Variants in PCDH15 observed in about 807,000 individuals in gnomAD.
The protein encoded by PCDH15 is protocadherin related 15.
A neutral mutation model predicts 178.5 loss-of-function variants in PCDH15; 129 were observed. The observed-to-expected ratio is 0.72, with a 90% CI of 0.63 to 0.84. The LOEUF (loss-of-function observed/expected upper bound fraction) is 0.84, where lower values mean the gene tolerates loss of function less well. Ranked by LOEUF, PCDH15 falls within the 40% of genes least tolerant of loss-of-function variation. The probability of loss-of-function intolerance (pLI) is 0.00; values close to 1 mark genes in which losing one functional copy is unlikely to be tolerated. For missense variants in PCDH15, 2,230 were observed against 2,099.9 expected (o/e 1.06, Z -1.21); for synonymous variants, 800 against 732.0 (o/e 1.09, Z -1.50).
At chr10:54,510,480 C>T (rs2081555918) in intron 3 of PCDH15, among the ~76,000 whole-genome samples, 1 of 152,144 alleles carries the variant, frequency 6.6e-6, no homozygotes, top group African/African-American at 2.4e-5. Flanking sequence ...GTAACTTCAG[C>T]AGATGGATAA....
intron 1 of PCDH15, among the ~76,000 whole-genome samples, chr10:55,197,032 T>C (rs1472007638): frequency 6.6e-6 from 1 of 152,000 alleles, no homozygotes; most frequent in East Asian, 1.9e-4. Flanking sequence ...TTTAAATAGT[T>C]ACTTAAAATG....
At chr10:54,379,171 A>C (rs1948864367) in intron 3 of PCDH15, among the ~76,000 whole-genome samples, 2 of 152,114 alleles carry the variant, frequency 1.3e-5, no homozygotes, top group South Asian at 4.1e-4. Flanking sequence ...AGACATGGTG[A>C]GTTCCATCAT....
chr10:53,870,365 G>A (rs1050911404), intron 26 of PCDH15, among the ~76,000 whole-genome samples: 1 of 151,844 alleles, frequency 6.6e-6, no homozygotes, highest in Non-Finnish European at 1.5e-5. Flanking sequence ...TCAAGAATGA[G>A]ATAAAAGTTT....
intron 2 of PCDH15, among the ~76,000 whole-genome samples, chr10:55,568,009 T>C (rs563026556): frequency 8.3e-4 from 127 of 152,138 alleles, no homozygotes; most frequent in Admixed American, 5.6e-3. Context: ...AAAAATAATA[T>C]GGTGAATCAT....
chr10:55,402,863 G>A (rs1372197922), intron 2 of PCDH15, among the ~76,000 whole-genome samples: 1 of 151,838 alleles, frequency 6.6e-6, no homozygotes, highest in African/African-American at 2.4e-5. Context: ...TGAATCATAT[G>A]GTAGTTCTAT....
At chr10:54,312,757 G>T (rs2060990630) in intron 8 of PCDH15, among the ~76,000 whole-genome samples, 1 of 152,076 alleles carries the variant, frequency 6.6e-6, no homozygotes, top group Admixed American at 6.6e-5. Flanking sequence ...AGCTGATGCT[G>T]CATGGAGCAA....
At chr10:54,141,600 T>C (rs2043419025) in intron 14 of PCDH15, among the ~76,000 whole-genome samples, 1 of 152,168 alleles carries the variant, frequency 6.6e-6, no homozygotes, top group African/African-American at 2.4e-5. Context: ...AGAAAAATTT[T>C]ATTGATTGGG....
chr10:54,247,398 A>G (rs914519324), intron 8 of PCDH15, among the ~76,000 whole-genome samples: 1 of 152,040 alleles, frequency 6.6e-6, no homozygotes, highest in Non-Finnish European at 1.5e-5. Flanking sequence ...AAAAACTTTG[A>G]ATAAAGTGTT....
At position 54,013,238 on chromosome 10, in the gene PCDH15, C is replaced by T. The variant is rs143912063; in HGVS notation, c.2751+6954G>A. 3.7e-3 allele frequency among the ~76,000 whole-genome samples: 569 copies of T among 152,212 alleles called. 2 individuals carry two copies. Among genetic ancestry groups the T allele is most frequent in the African/African-American group, 0.013 (521 of 41,546 alleles). On this transcript the variant is annotated intron_variant, in intron 20 of 37. Coordinates refer to ENST00000644397, the MANE Select transcript of PCDH15 (RefSeq NM_001384140.1). Reference sequence around the variant, plus strand: ...ATCCCAAATATATATGCATCCAACACAGGAGCACCCAGATTCATAAAGCAA... The same window carrying T: ...ATCCCAAATATATATGCATCCAACATAGGAGCACCCAGATTCATAAAGCAA...
chr10:54,029,191 A>G (rs2610834), intron 18 of PCDH15, among the ~76,000 whole-genome samples: 21,313 of 152,094 alleles, frequency 0.14, 3,158 homozygotes, highest in African/African-American at 0.37. Context: ...AAACAAGATA[A>G]CCAAACATAG....
intron 2 of PCDH15, among the ~76,000 whole-genome samples, chr10:55,482,182 A>G (rs1840196834): frequency 6.6e-6 from 1 of 151,652 alleles, no homozygotes; most frequent in African/African-American, 2.4e-5. Flanking sequence ...TGCTTGGTAG[A>G]TTTTCCTCCA....
chr10:54,734,698 A>G (rs1943847819), intron 1 of PCDH15, among the ~76,000 whole-genome samples: 1 of 151,992 alleles, frequency 6.6e-6, no homozygotes, highest in African/African-American at 2.4e-5. Context: ...GGTAATCCAT[A>G]CAACAGAGTA....
At chr10:55,165,239 T>C (rs1014293791) in intron 2 of PCDH15, among the ~76,000 whole-genome samples, 20 of 151,972 alleles carry the variant, frequency 1.3e-4, no homozygotes, top group African/African-American at 2.4e-5. Context: ...GTGATTTTTT[T>C]GCATGAAAAA....
chr10:55,339,418 T>C (rs1252201952), intron 2 of PCDH15, among the ~76,000 whole-genome samples: 1 of 152,100 alleles, frequency 6.6e-6, no homozygotes, highest in Non-Finnish European at 1.5e-5. Flanking sequence ...ACATGGAACA[T>C]GTATAAACAA....
At chr10:54,611,155 A>C (rs990223601) in intron 2 of PCDH15, among the ~76,000 whole-genome samples, 1 of 151,876 alleles carries the variant, frequency 6.6e-6, no homozygotes, top group African/African-American at 2.4e-5. Flanking sequence ...ATAACTGTTG[A>C]GTATTTATAA....
At chr10:54,996,369 A>C (rs1839644082) in intron 2 of PCDH15, among the ~76,000 whole-genome samples, 1 of 152,172 alleles carries the variant, frequency 6.6e-6, no homozygotes, top group Non-Finnish European at 1.5e-5. Context: ...AGGAATTTCC[A>C]TTTGAAGGTT....
intron 2 of PCDH15, among the ~76,000 whole-genome samples, chr10:55,095,907 T>C (rs965041967): frequency 1.3e-5 from 2 of 152,088 alleles, no homozygotes; most frequent in African/African-American, 2.4e-5. Context: ...AGTGATTAAT[T>C]GAAAAATCAG....
At chr10:53,876,356 T>C (rs2080242245) in intron 26 of PCDH15, among the ~76,000 whole-genome samples, 1 of 151,930 alleles carries the variant, frequency 6.6e-6, no homozygotes, top group African/African-American at 2.4e-5. Flanking sequence ...TCCGGCTAAT[T>C]TTTTGTATTT....
intron 21 of PCDH15, among the ~76,000 whole-genome samples, chr10:53,988,918 T>C (rs2091286534): frequency 6.6e-6 from 1 of 152,264 alleles, no homozygotes; most frequent in East Asian, 1.9e-4. Context: ...AAAAACATGA[T>C]TTCCAAATCA....
Sources: gnomAD v4.1 joint callset for allele counts (sites outside exome capture counted in the v4.1 genomes callset) on GRCh38, gnomAD v4.1.1 for gene constraint, MANE v1.5 for transcripts, NCBI Gene and HGNC (gene_info 2026-07-23, HGNC 2026-07-21) for gene names.